The following KLF8 variants were observed in gnomAD, a reference collection of about 807,000 sequenced individuals.
KLF8 encodes KLF transcription factor 8.
Under a neutral mutation model 18.2 loss-of-function variants are expected in KLF8, and 10 were observed. The ratio of observed to expected loss-of-function variants is 0.55; its 90% CI spans 0.34 to 0.93. KLF8 has a LOEUF of 0.93. Ranked by LOEUF, KLF8 falls within the 40% of genes least tolerant of loss-of-function variation. The pLI, the probability that KLF8 is intolerant of heterozygous loss-of-function variation, is 0.02. For synonymous variants in KLF8, 109 were observed against 97.3 expected (o/e 1.12, Z -0.71); for missense variants, 264 against 277.9 (o/e 0.95, Z 0.36).
chrX:56,035,990 T>A, the KLF8 span, among the ~76,000 whole-genome samples: 1 of 112,341 alleles, frequency 8.9e-6, no homozygotes, highest in South Asian at 3.6e-4. Flanking sequence ...TAATACTATT[T>A]TTTAAAATTT....
At chrX:55,977,016 G>T in the KLF8 span, among the ~76,000 whole-genome samples, 3 of 111,969 alleles carry the variant, frequency 2.7e-5, no homozygotes, top group East Asian at 8.3e-4. Context: ...GAGTTTATTT[G>T]GTGGAGTATT....
At position 56,287,548 on chromosome X, in the gene KLF8, G is replaced by A. The variant is rs2067281424; in HGVS notation, c.*3054G>A. 1 of 111,579 alleles carries A rather than the reference G, an allele frequency of 9.0e-6. No homozygotes were observed. Among genetic ancestry groups the A allele is most frequent in the South Asian group, 3.7e-4 (1 of 2,677 alleles). 9.2% of individuals were successfully genotyped at this position (111,579 alleles called of 1,213,427 possible). A position where few individuals can be genotyped will look rare whatever the true frequency, so the allele number is the denominator to read the frequency against. On this transcript the variant is annotated 3_prime_UTR_variant, in exon 6 of 6. Transcript: ENST00000468660. ...ATCGATAGGGTTGGATAATATTCTG[G>A]GATTTGTTGCAGCAGAATTCCTCTA... is the stretch of plus-strand genomic sequence containing the variant.
chrX:56,189,856 T>A, the KLF8 span, among the ~76,000 whole-genome samples: 1 of 70,087 alleles, frequency 1.4e-5, no homozygotes, highest in Non-Finnish European at 2.5e-5. Flanking sequence ...AACATCACAC[T>A]CTGGGGACTG....
chrX:55,926,649 A>C, the KLF8 span, among the ~76,000 whole-genome samples: 1 of 110,968 alleles, frequency 9.0e-6, no homozygotes, highest in Non-Finnish European at 1.9e-5. Context: ...ATACTGTATG[A>C]TACCTTTAAA....
the KLF8 span, among the ~76,000 whole-genome samples, chrX:56,210,771 G>A: frequency 4.6e-3 from 500 of 108,121 alleles, 1 homozygote; most frequent in African/African-American, 0.016. Flanking sequence ...CAAATAGTCT[G>A]ACTTCAAGTT....
the KLF8 span, among the ~76,000 whole-genome samples, chrX:56,110,032 G>A: frequency 9.0e-6 from 1 of 111,015 alleles, no homozygotes; most frequent in South Asian, 3.9e-4. Flanking sequence ...GAGAACATGT[G>A]GTGTTTGGTT....
At chrX:56,093,683 T>C in the KLF8 span, among the ~76,000 whole-genome samples, 1 of 110,570 alleles carries the variant, frequency 9.0e-6, no homozygotes, top group Non-Finnish European at 1.9e-5. Context: ...AACATAACAG[T>C]TTGCTCAAAA....
At chrX:56,137,278 T>C in the KLF8 span, among the ~76,000 whole-genome samples, 1 of 109,082 alleles carries the variant, frequency 9.2e-6, no homozygotes, top group Middle Eastern at 4.6e-3. Context: ...GGACTATAAA[T>C]CATGCTGCTA....
chrX:56,233,458 C>G, intron 1 of KLF8, 117 bp downstream of exon 1: 1 of 581,869 alleles, frequency 1.7e-6, no homozygotes, highest in African/African-American at 2.2e-5. Flanking sequence ...GCAGTGGGGG[C>G]GGGAGCGGAA....
the KLF8 span, among the ~76,000 whole-genome samples, chrX:55,948,185 C>CA: frequency 8.9e-6 from 1 of 112,176 alleles, no homozygotes; most frequent in Admixed American, 9.5e-5. Context: ...TCTTTACACT[C>CA]ACACTAGAAG....
At chrX:56,021,827 T>C in the KLF8 span, among the ~76,000 whole-genome samples, 3 of 110,679 alleles carry the variant, frequency 2.7e-5, no homozygotes, top group East Asian at 8.4e-4. Flanking sequence ...TTACCCCACC[T>C]TGGCACTGTG....
chrX:56,117,611 G>A, the KLF8 span, among the ~76,000 whole-genome samples: 1 of 112,050 alleles, frequency 8.9e-6, no homozygotes, highest in South Asian at 3.7e-4. Context: ...TATTAAATAT[G>A]CCACTTTCAG....
the KLF8 span, among the ~76,000 whole-genome samples, chrX:55,999,689 G>T: frequency 2.7e-5 from 3 of 111,258 alleles, no homozygotes; most frequent in Non-Finnish European, 5.7e-5. Flanking sequence ...CTACTGAATT[G>T]TGCATATTGA....
At chrX:55,924,269 G>A in the KLF8 span, among the ~76,000 whole-genome samples, 5 of 110,601 alleles carry the variant, frequency 4.5e-5, no homozygotes, top group Admixed American at 1.9e-4. Flanking sequence ...AGTAGAGACC[G>A]GGTTTCACTA....
the KLF8 span, among the ~76,000 whole-genome samples, chrX:56,182,678 T>A: frequency 3.5e-5 from 4 of 112,784 alleles, no homozygotes; most frequent in African/African-American, 6.4e-5. Context: ...TTGTTAGTTT[T>A]CCTTCTAACA....
the KLF8 span, among the ~76,000 whole-genome samples, chrX:56,183,634 C>A: frequency 1.8e-5 from 2 of 110,515 alleles, no homozygotes; most frequent in South Asian, 3.9e-4. Context: ...CTCATGGTAA[C>A]CTCAAGTAAA....
the KLF8 span, among the ~76,000 whole-genome samples, chrX:56,192,512 C>T: frequency 8.9e-6 from 1 of 111,877 alleles, no homozygotes; most frequent in African/African-American, 3.2e-5. Context: ...ATAGCCAAAG[C>T]TGTCCTAACG....
the KLF8 span, among the ~76,000 whole-genome samples, chrX:56,045,899 A>T: frequency 9.0e-6 from 1 of 111,654 alleles, no homozygotes; most frequent in East Asian, 2.8e-4. Context: ...AGAAGTGGTG[A>T]AAGCAGGCAT....
At chrX:56,220,010 A>G in the KLF8 span, among the ~76,000 whole-genome samples, 1 of 112,215 alleles carries the variant, frequency 8.9e-6, no homozygotes, top group Admixed American at 9.5e-5. Flanking sequence ...TGAGGAGTAA[A>G]TGAAGTAATG....
Sources: gnomAD v4.1 joint callset for allele counts (sites outside exome capture counted in the v4.1 genomes callset) on GRCh38, gnomAD v4.1.1 for gene constraint, MANE v1.5 for transcripts, NCBI Gene and HGNC (gene_info 2026-07-23, HGNC 2026-07-21) for gene names.